Variants in RPH3A observed in about 807,000 individuals in gnomAD.
RPH3A encodes the protein rabphilin-3A.
RPH3A carries 48 observed loss-of-function variants against 102.2 expected under a neutral mutation model. The ratio of observed to expected loss-of-function variants is 0.47; its 90% CI spans 0.37 to 0.60. The LOEUF is 0.60. Among genes scored for constraint, RPH3A ranks in the 20% least tolerant of loss-of-function variants. The pLI is 0.00. For synonymous variants in RPH3A, 310 were observed against 324.3 expected (o/e 0.96, Z 0.47); for missense variants, 781 against 910.1 (o/e 0.86, Z 1.83).
At chr12:112,734,966 A>G (rs1048550816) in intron 1 of RPH3A, among the ~76,000 whole-genome samples, 5 of 152,170 alleles carry the variant, frequency 3.3e-5, no homozygotes, top group African/African-American at 9.7e-5. Flanking sequence ...TTGACCTCCT[A>G]TCTCATCCTG....
rs2041850826 is a variant in RPH3A, at chr12:112,825,457, C to T, written c.-18-2844C>T. On this transcript the variant is annotated intron_variant, in intron 2 of 21. Transcript: ENST00000389385. ...CAGGAAACAAGACCTACAGGGAAAT[C>T]AGGACCCCCTAGACACGCCAATCTA... Among the ~76,000 whole-genome samples, 7 of 152,252 alleles carry T rather than the reference C, an allele frequency of 4.6e-5. No homozygotes were observed. The South Asian group carries it at 1.5e-3, about 32-fold the overall frequency.
chr12:112,761,596 C>A (rs150926625), intron 1 of RPH3A, among the ~76,000 whole-genome samples: 2 of 152,238 alleles, frequency 1.3e-5, no homozygotes, highest in African/African-American at 4.8e-5. Flanking sequence ...GGGCTCCTGG[C>A]AGCTGCCTGC....
intron 1 of RPH3A, among the ~76,000 whole-genome samples, chr12:112,690,917 G>C (rs941977467): frequency 1.3e-5 from 2 of 152,166 alleles, no homozygotes; most frequent in African/African-American, 4.8e-5. Flanking sequence ...CAGGAAAGGA[G>C]AGGGTAATTG....
At chr12:112,796,837 G>A (rs1419127642) in intron 2 of RPH3A, among the ~76,000 whole-genome samples, 3 of 152,142 alleles carry the variant, frequency 2.0e-5, no homozygotes, top group Admixed American at 6.6e-5. Flanking sequence ...ATTACTTGAG[G>A]TCAGGAGTTC....
intron 1 of RPH3A, chr12:112,575,361 C>T (rs535400592): frequency 6.6e-6 from 1 of 152,266 alleles, no homozygotes; most frequent in Non-Finnish European, 1.5e-5. Flanking sequence ...TCCTGCCCTC[C>T]CAAGCTGCAG....
At chr12:112,822,765 G>A (rs1165352273) in intron 2 of RPH3A, among the ~76,000 whole-genome samples, 1 of 152,242 alleles carries the variant, frequency 6.6e-6, no homozygotes, top group African/African-American at 2.4e-5. Flanking sequence ...TATCCCATCT[G>A]TAAAATGGGA....
intron 1 of RPH3A, among the ~76,000 whole-genome samples, chr12:112,648,912 G>A (rs75400091): frequency 1.1e-4 from 17 of 152,116 alleles, no homozygotes; most frequent in Admixed American, 2.0e-4. Flanking sequence ...TCCATCTCCC[G>A]GGTTCAAACA....
At chr12:112,803,319 C>T (rs2041390467) in intron 2 of RPH3A, among the ~76,000 whole-genome samples, 2 of 151,780 alleles carry the variant, frequency 1.3e-5, no homozygotes, top group African/African-American at 2.4e-5. Context: ...CTCCCTTTCT[C>T]CCAGATGGAG....
chr12:112,860,262 A>T lies in RPH3A; in HGVS notation c.231-5152A>T, dbSNP rs567390620. ...CTGCTCATTCTCAGTCTTCTCAGGG[A>T]GAAGGAAGATCTGCGTGTCCCCACC... On this transcript the variant is annotated intron_variant, in intron 5 of 21. Coordinates refer to ENST00000389385, the MANE Select transcript of RPH3A (RefSeq NM_001143854.2). Among the ~76,000 whole-genome samples the T allele has an allele frequency of 6.9e-4, 105 of 152,266 alleles. 1 individual carries two copies. The highest frequency in any genetic ancestry group is 2.3e-3 in the African/African-American group (94 of 41,552).
At chr12:112,677,816 T>C (rs1157316625) in intron 1 of RPH3A, among the ~76,000 whole-genome samples, 1 of 152,026 alleles carries the variant, frequency 6.6e-6, no homozygotes, top group Admixed American at 6.5e-5. Context: ...TTCAGCAAAC[T>C]CTAGAATGAG....
chr12:112,653,878 C>T (rs912621263), intron 1 of RPH3A, among the ~76,000 whole-genome samples: 2 of 152,102 alleles, frequency 1.3e-5, no homozygotes, highest in East Asian at 3.8e-4. Flanking sequence ...ATTTTAAGAA[C>T]TTTTTATTTT....
At chr12:112,685,217 A>G (rs956526726) in intron 1 of RPH3A, among the ~76,000 whole-genome samples, 1 of 152,214 alleles carries the variant, frequency 6.6e-6, no homozygotes, top group Non-Finnish European at 1.5e-5. Context: ...GATTACAGGC[A>G]TAAGCCATTG....
chr12:112,760,266 G>A (rs1199162444), intron 1 of RPH3A, among the ~76,000 whole-genome samples: 1 of 152,174 alleles, frequency 6.6e-6, no homozygotes, highest in Non-Finnish European at 1.5e-5. Flanking sequence ...CTTACTAGCT[G>A]TGTGACCTTG....
At chr12:112,641,967 A>G (rs1161786418) in intron 1 of RPH3A, among the ~76,000 whole-genome samples, 1 of 152,108 alleles carries the variant, frequency 6.6e-6, no homozygotes, top group African/African-American at 2.4e-5. Flanking sequence ...AGGCACAGAG[A>G]GGTTAAGTGA....
chr12:112,882,200 A>G (rs745781289), intron 15 of RPH3A, among the ~76,000 whole-genome samples: 4 of 152,168 alleles, frequency 2.6e-5, no homozygotes, highest in African/African-American at 9.6e-5. Flanking sequence ...CCCCAACCAC[A>G]CACTCCTCAT....
At chr12:112,833,962 C>T (rs1239104249) in intron 3 of RPH3A, among the ~76,000 whole-genome samples, 9 of 152,042 alleles carry the variant, frequency 5.9e-5, no homozygotes, top group Admixed American at 5.9e-4. Context: ...TCCTGGCCTC[C>T]AGTGATCCTC....
chr12:112,787,704 G>T (rs1277424259), upstream of RPH3A, among the ~76,000 whole-genome samples: 1 of 152,192 alleles, frequency 6.6e-6, no homozygotes, highest in Non-Finnish European at 1.5e-5. Flanking sequence ...TGCTTTAGGA[G>T]TCTCAGTTTC....
At chr12:112,719,483 C>T (rs139846754) in intron 1 of RPH3A, among the ~76,000 whole-genome samples, 1 of 152,250 alleles carries the variant, frequency 6.6e-6, no homozygotes, top group Non-Finnish European at 1.5e-5. Context: ...TTTGAGAGCA[C>T]CATTTATTCC....
intron 1 of RPH3A, among the ~76,000 whole-genome samples, chr12:112,750,232 G>A (rs956392714): frequency 1.3e-5 from 2 of 152,222 alleles, no homozygotes; most frequent in Non-Finnish European, 2.9e-5. Context: ...TTGTCTCACT[G>A]TCTTAGTTTG....
Sources: gnomAD v4.1 joint callset for allele counts (sites outside exome capture counted in the v4.1 genomes callset) on GRCh38, gnomAD v4.1.1 for gene constraint, MANE v1.5 for transcripts, NCBI Gene and HGNC (gene_info 2026-07-23, HGNC 2026-07-21) for gene names.